Variants in LMLN observed in about 807,000 individuals in gnomAD.
LMLN encodes the protein leishmanolysin like peptidase.
In LMLN, 70 loss-of-function variants were observed where a neutral mutation model predicts 92.3. The ratio of observed to expected loss-of-function variants is 0.76; its 90% CI spans 0.63 to 0.92. The LOEUF is 0.92. Ranked by LOEUF, LMLN falls within the 40% of genes least tolerant of loss-of-function variation. The probability of loss-of-function intolerance (pLI) is 0.00; values close to 1 mark genes in which losing one functional copy is unlikely to be tolerated. For missense variants in LMLN, 691 were observed against 814.6 expected (o/e 0.85, Z 1.85); for synonymous variants, 308 against 296.2 (o/e 1.04, Z -0.41).
chr3:197,978,955 C>T (rs1024967297), intron 5 of LMLN, among the ~76,000 whole-genome samples: 2 of 152,146 alleles, frequency 1.3e-5, no homozygotes, highest in Non-Finnish European at 2.9e-5. Context: ...CATACCACTG[C>T]ACTCCAGCCT....
intron 2 of LMLN, 30 bp downstream of exon 2, chr3:197,974,504 T>C (rs777542092): frequency 2.8e-6 from 3 of 1,087,106 alleles, no homozygotes; most frequent in Non-Finnish European, 4.0e-6. Flanking sequence ...GTCATCTTTT[T>C]CATTATTAAT....
chr3:198,014,278 C>T lies in LMLN; in HGVS notation c.1233-4975C>T, dbSNP rs1245055326. Among the ~76,000 whole-genome samples the T allele has an allele frequency of 1.8e-4, 26 of 140,824 alleles. 1 individual carries two copies. Among genetic ancestry groups the T allele is most frequent in the African/African-American group, 6.9e-4 (25 of 36,254 alleles). The allele number at this position is 140,824 out of a possible 152,430, so 92.4% of individuals were successfully genotyped here. ...CCCTAACTAGTCTGACTTCTCTCCACCCTTCAGAGTCCCCTAACTAGTCTG... is the reference window on the plus strand; with the variant it reads ...CCCTAACTAGTCTGACTTCTCTCCATCCTTCAGAGTCCCCTAACTAGTCTG... On this transcript the variant is annotated intron_variant, in intron 11 of 15. Coordinates refer to ENST00000330198, the Ensembl canonical transcript of LMLN.
chr3:198,010,547 C>T (rs1722405360), intron 11 of LMLN, among the ~76,000 whole-genome samples: 1 of 151,904 alleles, frequency 6.6e-6, no homozygotes, highest in South Asian at 2.1e-4. Flanking sequence ...ACCTCCTGGG[C>T]TCAAGCAAAC....
intron 10 of LMLN, among the ~76,000 whole-genome samples, chr3:197,997,304 T>C (rs1468317181): frequency 6.6e-6 from 1 of 151,944 alleles, no homozygotes; most frequent in Non-Finnish European, 1.5e-5. Context: ...TAATTTTCTT[T>C]TTGTTCTTTC....
intron 14 of LMLN, among the ~76,000 whole-genome samples, chr3:198,027,023 A>G (rs1273671078): frequency 6.6e-6 from 1 of 152,120 alleles, no homozygotes; most frequent in Non-Finnish European, 1.5e-5. Context: ...AGTTTGCATC[A>G]GTAAGGTTGG....
intron 4 of LMLN, 73 bp from the exon 5 acceptor site, chr3:197,976,525 G>T: frequency 5.2e-6 from 4 of 776,680 alleles, no homozygotes; most frequent in Non-Finnish European, 6.3e-6. Flanking sequence ...CTACCAGTTG[G>T]TTTCCATGTT....
At position 198,006,773 on chromosome 3, in the gene LMLN, C is replaced by T. The variant is rs150969810; in HGVS notation, c.1232+7431C>T. Among the ~76,000 whole-genome samples, 914 of 151,718 alleles carry T rather than the reference C, an allele frequency of 6.0e-3. 4 individuals carry two copies. The highest frequency in any genetic ancestry group is 0.021 in the African/African-American group (878 of 41,372). On this transcript the variant is annotated intron_variant, in intron 11 of 15. Transcript: ENST00000330198. The stretch of plus-strand genomic sequence containing the variant: ...CGTCACCCAGGCTGGAGTGCAGTGG[C>T]GCGATCTTGGCTCACTGTAACCTCT...
At chr3:197,985,850 A>C in exon 8 of LMLN, 2 of 1,613,582 alleles carry the variant, frequency 1.2e-6, no homozygotes, top group Non-Finnish European at 1.7e-6. Flanking sequence ...AAATCCTCTC[A>C]CTTCAAGATT....
At chr3:197,989,592 A>G (rs144859601) in intron 8 of LMLN, among the ~76,000 whole-genome samples, 82 of 152,358 alleles carry the variant, frequency 5.4e-4, no homozygotes, top group Non-Finnish European at 9.4e-4. Flanking sequence ...GTCAAAAGGA[A>G]GTAATTCATC....
chr3:198,025,686 A>G lies in LMLN; in HGVS notation c.1656+898A>G, dbSNP rs1388388218. On this transcript the variant is annotated intron_variant, in intron 14 of 15. Transcript: ENST00000330198. The surrounding 1 kb of genome is among the most constrained non-coding windows in gnomAD (Gnocchi z 4.3). ...TGCCTCGCCTACTATTTCCTTAATT[A>G]TCTTATTTGCACATCTGATATTATA... Among the ~76,000 whole-genome samples, 1 of 152,118 alleles carries G rather than the reference A, an allele frequency of 6.6e-6. No homozygotes were observed. The highest frequency in any genetic ancestry group is 1.5e-5 in the Non-Finnish European group (1 of 68,022).
At chr3:198,035,937 G>T (rs1309074526) in exon 15 of LMLN, 13 of 1,613,960 alleles carry the variant, frequency 8.1e-6, no homozygotes, top group Non-Finnish European at 1.1e-5. Context: ...TGAATGGCTG[G>T]ATTCACGATG....
At position 197,967,133 on chromosome 3, in the gene LMLN, T is replaced by C. The variant is rs533774995; in HGVS notation, c.219+6693T>C. Among the ~76,000 whole-genome samples the C allele has an allele frequency of 1.2e-3, 178 of 152,342 alleles. 1 individual carries two copies. The highest frequency in any genetic ancestry group is 1.9e-3 in the Non-Finnish European group (130 of 68,034). On this transcript the variant is annotated intron_variant, in intron 1 of 15. Transcript: ENST00000330198. ...AAGGGATATTGGTCTGTAGTTTTTTTAATTTTATTTTTTAAATTTTATATT... is the reference window on the plus strand; with the variant it reads ...AAGGGATATTGGTCTGTAGTTTTTTCAATTTTATTTTTTAAATTTTATATT...
At chr3:198,015,320 C>T (rs13321767) in intron 11 of LMLN, among the ~76,000 whole-genome samples, 1,986 of 20,802 alleles carry the variant, frequency 0.095, 19 homozygotes, top group African/African-American at 0.35. Context: ...CTCCACCCTT[C>T]AGAGCCCCCT....
chr3:198,027,000 G>C (rs1196222257), intron 14 of LMLN, among the ~76,000 whole-genome samples: 2 of 152,174 alleles, frequency 1.3e-5, no homozygotes, highest in Non-Finnish European at 2.9e-5. Flanking sequence ...GTGTGTGTGT[G>C]TAAGTAATCA....
chr3:197,988,334 TAC>T lies in LMLN; in HGVS notation c.930-2223_930-2222del, dbSNP rs139321833. ...TCAAAAGATTATAAAAATATTCTCC[TAC>T]ATTTATTCTAGTAAATTATTATTCG... On this transcript the variant is annotated intron_variant, in intron 8 of 15. Coordinates refer to ENST00000330198, the Ensembl canonical transcript of LMLN. 2.8e-3 allele frequency among the ~76,000 whole-genome samples: 429 copies of T among 152,164 alleles called. 4 individuals are homozygous for T. Among genetic ancestry groups the T allele is most frequent in the Non-Finnish European group, 4.8e-3 (329 of 68,012 alleles).
At chr3:197,980,848 G>A (rs1302450920) in intron 6 of LMLN, 3 of 198,874 alleles carry the variant, frequency 1.5e-5, no homozygotes, top group African/African-American at 4.7e-5. Context: ...GCTCACGCCT[G>A]TAATCCTAGC....
At chr3:197,975,602 GA>G (rs1721350374) in intron 3 of LMLN, among the ~76,000 whole-genome samples, 1 of 152,110 alleles carries the variant, frequency 6.6e-6, no homozygotes, top group South Asian at 2.1e-4. Context: ...TTAAAGGTAA[GA>G]TTTTCTTAAC....
rs753423970 is a variant in LMLN at position 197,974,515 on chromosome 3, C to G, written c.317+41C>G. On this transcript the variant is annotated intron_variant, in intron 2 of 15. Transcript: ENST00000330198. ...TATTGTCATCTTTTTCATTATTAAT[C>G]TAAATGTTAAAGATATTTTTGTCTG... The G allele has an allele frequency of 2.8e-6, 3 of 1,053,038 alleles. No individual in the cohort carries two copies. In the South Asian group the frequency reaches 4.8e-5, roughly 17 times the overall value. The allele number at this position is 1,053,038 out of a possible 1,614,324, so 65.2% of individuals were successfully genotyped here.
chr3:197,995,319 A>C (rs1721987002), intron 9 of LMLN, among the ~76,000 whole-genome samples: 1 of 152,168 alleles, frequency 6.6e-6, no homozygotes, highest in Non-Finnish European at 1.5e-5. Flanking sequence ...GTAGGCTATT[A>C]ATAGTTAAGT....
Sources: gnomAD v4.1 joint callset for allele counts (sites outside exome capture counted in the v4.1 genomes callset) on GRCh38, gnomAD v4.1.1 for gene constraint, Gnocchi (gnomAD v3.1) non-coding constraint, MANE v1.5 for transcripts, NCBI Gene and HGNC (gene_info 2026-07-23, HGNC 2026-07-21) for gene names.